Variants in CAPN14 observed in about 807,000 individuals in gnomAD.
CAPN14 encodes the protein calpain-14.
CAPN14 carries 94 observed loss-of-function variants against 101.3 expected under a neutral mutation model. The observed-to-expected ratio is 0.93, with a 90% CI of 0.79 to 1.10. The LOEUF is 1.10. Among genes scored for constraint, CAPN14 ranks in the 50% least tolerant of loss-of-function variants. The pLI is 0.00. For synonymous variants in CAPN14, 338 were observed against 317.9 expected, an observed-to-expected ratio of 1.06 and a Z score of -0.67; for missense variants, 837 against 828.4, an observed-to-expected ratio of 1.01 and a Z score of -0.13.
chr2:31,199,413 G>T, intron 7 of CAPN14, 57 bp downstream of exon 7: 1 of 1,393,292 alleles, frequency 7.2e-7, no homozygotes, highest in Non-Finnish European at 1.0e-6. Context: ...ATAAGCTAGG[G>T]TCCAGAGAGG....
At chr2:31,204,396 G>C (rs1029657700) in intron 2 of CAPN14, among the ~76,000 whole-genome samples, 1 of 152,132 alleles carries the variant, frequency 6.6e-6, no homozygotes, top group African/African-American at 2.4e-5. Context: ...AGTGTCCTTC[G>C]TATGCTAATG....
At chr2:31,212,460 T>C (rs1446926399) in intron 1 of CAPN14, among the ~76,000 whole-genome samples, 1 of 152,190 alleles carries the variant, frequency 6.6e-6, no homozygotes, top group Non-Finnish European at 1.5e-5. Context: ...GGCATCATCA[T>C]GATGAACTAC....
upstream of CAPN14, among the ~76,000 whole-genome samples, chr2:31,220,807 C>T (rs151191218): frequency 7.7e-4 from 117 of 152,296 alleles, no homozygotes; most frequent in African/African-American, 2.7e-3. Context: ...ACAAGTCATG[C>T]TATTCCTTGA....
At chr2:31,212,342 T>C (rs1046617350) in intron 1 of CAPN14, among the ~76,000 whole-genome samples, 4 of 149,392 alleles carry the variant, frequency 2.7e-5, no homozygotes, top group Admixed American at 6.7e-5. Context: ...AAAAACACAA[T>C]GTGGTACATG....
At chr2:31,207,742 G>C (rs1682178367) in intron 1 of CAPN14, among the ~76,000 whole-genome samples, 3 of 152,024 alleles carry the variant, frequency 2.0e-5, no homozygotes. Flanking sequence ...CTCCAGCCTG[G>C]GAAGCAGAGC....
intron 12 of CAPN14, among the ~76,000 whole-genome samples, chr2:31,190,279 A>G (rs1053113681): frequency 6.6e-6 from 1 of 152,108 alleles, no homozygotes; most frequent in Non-Finnish European, 1.5e-5. Flanking sequence ...TCCTCTCTCC[A>G]GTTTATACAC....
chr2:31,205,471 TGAGTCTTCCTGAG>T lies in CAPN14; in HGVS notation c.-37_-25del. 6.6e-7 allele frequency: 1 copy of T among 1,518,982 alleles called. No homozygotes were observed. The highest frequency in any genetic ancestry group is 8.9e-7 in the Non-Finnish European group (1 of 1,117,494). 94.1% of individuals were successfully genotyped at this position (1,518,982 alleles called of 1,614,324 possible). A position where few individuals can be genotyped will look rare whatever the true frequency, so the allele number is the denominator to read the frequency against. Reference sequence around the variant, plus strand: ...ATGGCAGGTGGTGGGTACAGTCCAGTGAGTCTTCCTGAGGAGTCTCTGCTGCTCCTGAAATGGA... The same window carrying T: ...ATGGCAGGTGGTGGGTACAGTCCAGTGAGTCTCTGCTGCTCCTGAAATGGA... On this transcript the variant is annotated 5_prime_UTR_variant, in exon 2 of 22. Coordinates refer to ENST00000403897, the MANE Select transcript of CAPN14 (RefSeq NM_001145122.2).
At chr2:31,183,349 A>G (rs1429104642) in intron 16 of CAPN14, among the ~76,000 whole-genome samples, 2 of 152,216 alleles carry the variant, frequency 1.3e-5, no homozygotes, top group Non-Finnish European at 2.9e-5. Flanking sequence ...ATCTAATTAA[A>G]CTAAAGAGCT....
chr2:31,183,197 A>T (rs1158041020), intron 16 of CAPN14, among the ~76,000 whole-genome samples: 1 of 152,046 alleles, frequency 6.6e-6, no homozygotes, highest in African/African-American at 2.4e-5. Flanking sequence ...AAGATGGATT[A>T]AAGACTTACA....
chr2:31,181,049 C>CA, intron 16 of CAPN14, 49 bp from the exon 17 acceptor site: 3 of 1,465,366 alleles, frequency 2.0e-6, no homozygotes, highest in Non-Finnish European at 2.8e-6. Context: ...CAGGTCTGCA[C>CA]ACCCCTTTTC....
intron 6 of CAPN14, among the ~76,000 whole-genome samples, chr2:31,199,833 A>G (rs553939996): frequency 4.4e-4 from 67 of 152,250 alleles, no homozygotes; most frequent in Non-Finnish European, 7.8e-4. Flanking sequence ...GCAGGGCTGA[A>G]CTGAGGGCTT....
chr2:31,220,847 T>C (rs1464358944), upstream of CAPN14, among the ~76,000 whole-genome samples: 1 of 152,202 alleles, frequency 6.6e-6, no homozygotes, highest in Non-Finnish European at 1.5e-5. Context: ...TTTGTTCGTT[T>C]GGTTATACAT....
chr2:31,197,124 C>T (rs377639817), intron 8 of CAPN14, 125 bp downstream of exon 8: 66 of 623,990 alleles, frequency 1.1e-4, no homozygotes, highest in African/African-American at 8.1e-4. Flanking sequence ...TGAGCTTCCC[C>T]GTCTAAAGGC....
intron 20 of CAPN14, 74 bp from the exon 21 acceptor site, chr2:31,176,716 G>T: frequency 7.5e-7 from 1 of 1,330,982 alleles, no homozygotes; most frequent in Non-Finnish European, 1.1e-6. Flanking sequence ...CCTCCCATAT[G>T]TCTCACCTTA....
chr2:31,182,044 G>A (rs182437554), intron 16 of CAPN14, among the ~76,000 whole-genome samples: 4 of 152,064 alleles, frequency 2.6e-5, no homozygotes, highest in African/African-American at 9.7e-5. Flanking sequence ...AGCCAGTAAT[G>A]GGATGGCTGG....
At chr2:31,200,429 G>T in intron 6 of CAPN14, 22 bp downstream of exon 6, 2 of 1,540,786 alleles carry the variant, frequency 1.3e-6, no homozygotes, top group Non-Finnish European at 1.8e-6. Context: ...AGGACATTCT[G>T]CCAGTGGCAG....
chr2:31,184,985 G>T (rs1348869333), intron 16 of CAPN14, among the ~76,000 whole-genome samples: 1 of 152,174 alleles, frequency 6.6e-6, no homozygotes, highest in Non-Finnish European at 1.5e-5. Flanking sequence ...TCTTAAAATG[G>T]TCTATATCAA....
chr2:31,211,705 G>T (rs1682412810), intron 1 of CAPN14, among the ~76,000 whole-genome samples: 1 of 130,154 alleles, frequency 7.7e-6, no homozygotes, highest in African/African-American at 2.7e-5. Context: ...ACACACGATG[G>T]GAAGAAAATA....
chr2:31,211,484 C>G (rs1212533951), intron 1 of CAPN14, among the ~76,000 whole-genome samples: 1 of 152,042 alleles, frequency 6.6e-6, no homozygotes, highest in African/African-American at 2.4e-5. Context: ...GAAAAAAAAT[C>G]TATTCTTCAT....
Sources: allele counts gnomAD v4.1 joint callset (sites outside exome capture counted in the v4.1 genomes callset), GRCh38; gene constraint gnomAD v4.1.1; transcripts MANE v1.5; gene names NCBI Gene and HGNC (gene_info 2026-07-23, HGNC 2026-07-21).